Variants in ATP11A observed in about 807,000 individuals in gnomAD.
The protein encoded by ATP11A is ATPase phospholipid transporting 11A.
Under a neutral mutation model 154.4 loss-of-function variants are expected in ATP11A, and 81 were observed. The ratio of observed to expected loss-of-function variants is 0.52; its 90% confidence interval spans 0.44 to 0.63. The LOEUF is 0.63. Ranked by LOEUF, ATP11A falls within the 30% of genes least tolerant of loss-of-function variation. The pLI is 0.00. For missense variants in ATP11A, 1,316 were observed against 1,474.3 expected (o/e 0.89, Z 1.76); for synonymous variants, 623 against 585.9 (o/e 1.06, Z -0.91).
intron 2 of ATP11A, among the ~76,000 whole-genome samples, chr13:112,803,780 C>G (rs1314385550): frequency 9.4e-6 from 1 of 106,200 alleles, no homozygotes; most frequent in Non-Finnish European, 1.9e-5. Flanking sequence ...CTTCCTCTCC[C>G]TCCCCTCCCT....
At chr13:112,776,758 GC>G (rs1199928717) in intron 1 of ATP11A, among the ~76,000 whole-genome samples, 1 of 152,006 alleles carries the variant, frequency 6.6e-6, no homozygotes, top group African/African-American at 2.4e-5. Flanking sequence ...CACCACTCCT[GC>G]CTAATTTTTG....
intron 1 of ATP11A, among the ~76,000 whole-genome samples, chr13:112,708,052 A>G (rs1173075576): frequency 6.6e-6 from 1 of 152,210 alleles, no homozygotes; most frequent in South Asian, 2.1e-4. Flanking sequence ...ACGTCACGCA[A>G]CCAACACTTC....
chr13:112,738,188 C>T (rs1891183372), intron 1 of ATP11A, among the ~76,000 whole-genome samples: 1 of 152,028 alleles, frequency 6.6e-6, no homozygotes, highest in Non-Finnish European at 1.5e-5. Flanking sequence ...CCTGGCCAAA[C>T]ATGGTGAAAC....
chr13:112,866,712 C>G (rs903190165), intron 25 of ATP11A, among the ~76,000 whole-genome samples: 1 of 130,474 alleles, frequency 7.7e-6, no homozygotes, highest in Non-Finnish European at 1.7e-5. Context: ...GTGTGTTTGT[C>G]CCTCAGACTG....
intron 16 of ATP11A, among the ~76,000 whole-genome samples, chr13:112,840,111 A>T (rs1244404886): frequency 1.4e-5 from 2 of 144,972 alleles, no homozygotes; most frequent in East Asian, 4.2e-4. Context: ...CGTGCCCTCC[A>T]GCCTCAGCCT....
rs764405118 is a variant in ATP11A, at chr13:112,819,366, C to T, written c.633C>T (p.His211=). 1.1e-5 allele frequency: 18 copies of T among 1,614,072 alleles called. No homozygotes were observed. The highest frequency in any genetic ancestry group is 5.0e-5 in the Admixed American group (3 of 59,998). ...CAGAGGAGGATATCGGCGGACTTCA[C>T]GCCACCATCGAGTGTGAGCAGCCCC... ...FHTEEDIGGL[H]ATIECEQPQP... is the part of the protein sequence containing the mutation. Residue 211 remains histidine, a synonymous_variant, in exon 7 of 30, where the codon CAC becomes CAT. Coordinates refer to ENST00000375645, the MANE Select transcript of ATP11A (RefSeq NM_015205.3).
chr13:112,701,258 T>G (rs193175375), intron 1 of ATP11A, among the ~76,000 whole-genome samples: 2 of 152,308 alleles, frequency 1.3e-5, no homozygotes, highest in Non-Finnish European at 2.9e-5. Context: ...TACAAGTGTG[T>G]TAAGTATTGT....
chr13:112,883,483 A>C lies in ATP11A; in HGVS notation c.*1617A>C. 3.0e-6 allele frequency: 1 copy of C among 335,474 alleles called. No individual in the cohort carries two copies. Among genetic ancestry groups the C allele is most frequent in the Non-Finnish European group, 5.4e-6 (1 of 186,544 alleles). 20.8% of individuals were successfully genotyped at this position (335,474 alleles called of 1,614,324 possible). ...CGGGGCTCCGGCAAGTGAAACCCAGAGGGTGTTTCCGAGGTGCTCGACAGT... is the reference window on the plus strand; with the variant it reads ...CGGGGCTCCGGCAAGTGAAACCCAGCGGGTGTTTCCGAGGTGCTCGACAGT... On this transcript the variant is annotated 3_prime_UTR_variant, in exon 30 of 30. Coordinates refer to ENST00000375645, the MANE Select transcript of ATP11A (RefSeq NM_015205.3).
At chr13:112,744,045 G>A (rs1250831044) in intron 1 of ATP11A, among the ~76,000 whole-genome samples, 5 of 152,202 alleles carry the variant, frequency 3.3e-5, no homozygotes. Flanking sequence ...ATACTATGAC[G>A]GCTGAGCTGC....
chr13:112,766,034 CT>C lies in ATP11A; in HGVS notation c.40-19100del, dbSNP rs1289125093. Among the ~76,000 whole-genome samples, 19 of 152,322 alleles carry C rather than the reference CT, an allele frequency of 1.2e-4. No individual in the cohort carries two copies. The East Asian group carries it at 2.3e-3, about 19-fold the overall frequency. On this transcript the variant is annotated intron_variant, in intron 1 of 29. Transcript: ENST00000375645. ...GGGATACGGTCGGGGGCGGATCCCC[CT>C]GTCACGGGTTGTAGAAATTGACGCA...
At chr13:112,809,766 A>G (rs897934836) in intron 4 of ATP11A, among the ~76,000 whole-genome samples, 14 of 152,206 alleles carry the variant, frequency 9.2e-5, no homozygotes, top group Non-Finnish European at 1.9e-4. Flanking sequence ...TGCACCCAGC[A>G]ACGCCAAACA....
intron 23 of ATP11A, 30 bp from the exon 24 acceptor site, chr13:112,860,257 G>A: frequency 1.2e-6 from 2 of 1,602,544 alleles, no homozygotes; most frequent in South Asian, 1.1e-5. Flanking sequence ...ATGCACTGAG[G>A]TGCCACTTCT....
chr13:112,837,968 GAC>G (rs950073082), intron 16 of ATP11A, among the ~76,000 whole-genome samples: 2 of 152,088 alleles, frequency 1.3e-5, no homozygotes, highest in African/African-American at 2.4e-5. Flanking sequence ...TGGTTCCTTA[GAC>G]ACAGTCCCAC....
At chr13:112,784,559 T>C (rs1219753157) in intron 1 of ATP11A, among the ~76,000 whole-genome samples, 2 of 151,228 alleles carry the variant, frequency 1.3e-5, no homozygotes, top group African/African-American at 2.4e-5. Context: ...AGTCTCGCTC[T>C]GTCCCCCAGG....
rs565575903 is a variant in ATP11A at position 112,771,668 on chromosome 13, C to T, written c.40-13467C>T. 1.4e-4 allele frequency among the ~76,000 whole-genome samples: 21 copies of T among 152,280 alleles called. No homozygotes were observed. In the South Asian group the frequency reaches 3.5e-3, roughly 26 times the overall value. On this transcript the variant is annotated intron_variant, in intron 1 of 29. Coordinates refer to ENST00000375645, the MANE Select transcript of ATP11A (RefSeq NM_015205.3). ...TTCTGTAGTGTGAGGCCTTTGTTGA[C>T]GTTATTTCAGTCACAAAAGCCGGGA...
chr13:112,716,209 C>T (rs866124719), intron 1 of ATP11A, among the ~76,000 whole-genome samples: 4 of 152,286 alleles, frequency 2.6e-5, no homozygotes, highest in Middle Eastern at 3.4e-3. Flanking sequence ...AAGCATCCAC[C>T]GTGGTGGGGC....
rs1043210963 is a variant in ATP11A, at chr13:112,697,643, C to G, written c.39+7188C>G. Among the ~76,000 whole-genome samples the G allele has an allele frequency of 5.9e-5, 9 of 151,954 alleles. No individual in the cohort carries two copies. The highest frequency in any genetic ancestry group is 8.8e-5 in the Non-Finnish European group (6 of 68,028). The stretch of plus-strand genomic sequence containing the variant: ...AGTGCAGTGGCTTGATCTTGGCTCA[C>G]TGCATCCTCTGCCTCCTAGGTGCAA... On this transcript the variant is annotated intron_variant, in intron 1 of 29. Transcript: ENST00000375645. This position sits in a 1 kb window ranked among gnomAD's most constrained non-coding sequence, Gnocchi z 4.0.
At chr13:112,733,195 A>G (rs74115459) in intron 1 of ATP11A, among the ~76,000 whole-genome samples, 3,154 of 152,330 alleles carry the variant, frequency 0.021, 95 homozygotes, top group African/African-American at 0.07. Flanking sequence ...GCGCTTCCCC[A>G]CAAAAGCAGA....
At position 112,825,536 on chromosome 13, in the gene ATP11A, C is replaced by T. The variant is rs2078910911; in HGVS notation, c.979C>T (p.Pro327Ser). 1 of 1,613,818 alleles carries T rather than the reference C, an allele frequency of 6.2e-7. No individual in the cohort carries two copies. Among genetic ancestry groups the T allele is most frequent in the South Asian group, 1.1e-5 (1 of 91,050 alleles). The change falls in exon 11 of 30, where the codon CCG becomes TCG. Residue 327 changes from proline (P) to serine (S), a missense_variant. Pro to Ser is a moderately conservative substitution (Grantham distance 74). This residue lies in a region of ATP11A where 876 missense variants were observed against 1,006.8 expected (regional missense o/e 0.87). Transcript: ENST00000375645. ...MWQSEPFRDE[P>S]WYNQKTESER... ...GCAGAGTGAGCCCTTTCGGGATGAGCCGTGGTATAATCAGAAAACGGAGTC... is the reference window on the plus strand; with the variant it reads ...GCAGAGTGAGCCCTTTCGGGATGAGTCGTGGTATAATCAGAAAACGGAGTC...
Sources: gnomAD v4.1 joint callset for allele counts (sites outside exome capture counted in the v4.1 genomes callset) on GRCh38, gnomAD v4.1.1 for gene constraint, gnomAD v4.1.1 regional missense constraint, Gnocchi (gnomAD v3.1) non-coding constraint, MANE v1.5 for transcripts, NCBI Gene and HGNC (gene_info 2026-07-23, HGNC 2026-07-21) for gene names.